ATR: variants seen among roughly 807,000 people sequenced by gnomAD.
The protein encoded by ATR is ATR checkpoint kinase.
A neutral mutation model predicts 305.3 loss-of-function variants in ATR; 142 were observed. The observed-to-expected ratio is 0.47, with a 90% CI of 0.41 to 0.53. The LOEUF is 0.53. Ranked by LOEUF, ATR falls within the 20% of genes least tolerant of loss-of-function variation. ATR has a pLI of 0.00. For synonymous variants in ATR, 1,050 were observed against 1,068.1 expected, an observed-to-expected ratio of 0.98 and a Z score of 0.33; for missense variants, 2,135 against 3,133.1, an observed-to-expected ratio of 0.68 and a Z score of 7.60.
At chr3:142,508,165 GTCAA>G in intron 27 of ATR, 56 bp from the exon 28 acceptor site, 1 of 1,413,302 alleles carries the variant, frequency 7.1e-7, no homozygotes, top group South Asian at 1.3e-5. Context: ...ATTTAAAAGT[GTCAA>G]TTTAAGTATT....
At chr3:142,513,275 A>G (rs1004277455) in intron 26 of ATR, among the ~76,000 whole-genome samples, 1 of 152,222 alleles carries the variant, frequency 6.6e-6, no homozygotes, top group African/African-American at 2.4e-5. Context: ...CTAAGTTGGA[A>G]TAATTTTTGA....
intron 8 of ATR, among the ~76,000 whole-genome samples, chr3:142,558,007 C>A (rs1338788131): frequency 1.3e-5 from 2 of 151,976 alleles, no homozygotes; most frequent in African/African-American, 4.8e-5. Flanking sequence ...TAAAATATTT[C>A]TCAAATACTT....
At chr3:142,528,447 C>T (rs377526186) in intron 21 of ATR, among the ~76,000 whole-genome samples, 71 of 152,062 alleles carry the variant, frequency 4.7e-4, no homozygotes, top group African/African-American at 1.5e-3. Context: ...TAAAAAGTAT[C>T]CATTTTGGTC....
chr3:142,487,484 T>C (rs1213834684), intron 35 of ATR, among the ~76,000 whole-genome samples: 1 of 152,210 alleles, frequency 6.6e-6, no homozygotes, highest in Non-Finnish European at 1.5e-5. Flanking sequence ...CAACATTACA[T>C]TTGTGATATC....
chr3:142,573,594 G>A (rs143453327), intron 1 of ATR, among the ~76,000 whole-genome samples: 9 of 150,252 alleles, frequency 6.0e-5, no homozygotes, highest in African/African-American at 9.8e-5. Flanking sequence ...TTAAATCAGC[G>A]CTGGCCAATA....
chr3:142,568,729 C>T (rs1229208636), intron 1 of ATR, among the ~76,000 whole-genome samples: 1 of 152,210 alleles, frequency 6.6e-6, no homozygotes, highest in East Asian at 1.9e-4. Flanking sequence ...TGCCTGCTCC[C>T]GCTGCCTGGC....
chr3:142,560,583 C>CA, intron 5 of ATR, 129 bp from the exon 6 acceptor site: 2 of 714,958 alleles, frequency 2.8e-6, no homozygotes, highest in South Asian at 1.9e-5. Flanking sequence ...TTTTGTGAGA[C>CA]AGAGTCTCAC....
intron 3 of ATR, among the ~76,000 whole-genome samples, chr3:142,563,517 AC>A (rs2034959388): frequency 6.6e-6 from 1 of 152,182 alleles, no homozygotes; most frequent in South Asian, 2.1e-4. Context: ...GTCATGAACC[AC>A]ACCGATATAA....
chr3:142,485,338 G>A, intron 35 of ATR, 56 bp from the exon 36 acceptor site: 1 of 1,586,416 alleles, frequency 6.3e-7, no homozygotes, highest in Non-Finnish European at 8.6e-7. Context: ...ATGCTGGGAA[G>A]TAAAATATGA....
intron 10 of ATR, among the ~76,000 whole-genome samples, chr3:142,555,647 G>A (rs2034641834): frequency 6.6e-6 from 1 of 152,080 alleles, no homozygotes; most frequent in South Asian, 2.1e-4. Context: ...CCCCATTTAG[G>A]CTGTCAAATC....
intron 1 of ATR, among the ~76,000 whole-genome samples, chr3:142,570,715 A>G (rs1251010397): frequency 2.0e-5 from 3 of 152,168 alleles, no homozygotes; most frequent in South Asian, 4.1e-4. Flanking sequence ...TAAGAGTTTC[A>G]TAGTTTTAGT....
At chr3:142,508,792 C>CG (rs1311373423) in intron 27 of ATR, among the ~76,000 whole-genome samples, 3 of 151,894 alleles carry the variant, frequency 2.0e-5, no homozygotes, top group Non-Finnish European at 2.9e-5. Flanking sequence ...GGCGTGGTGA[C>CG]GGGTGCCTTT....
In ATR at chr3:142,497,207, A is replaced by G; in HGVS notation, c.5559-15T>C. On this transcript the variant is annotated splice_polypyrimidine_tract_variant and intron_variant, in intron 32 of 46. Coordinates refer to ENST00000350721, the MANE Select transcript of ATR (RefSeq NM_001184.4). ...ACATGTGCAATCTGAAGATAGATAG[A>G]GCCTATGTTAAAATGTTATCATATT... 1 of 1,612,666 alleles carries G rather than the reference A, an allele frequency of 6.2e-7. No individual in the cohort carries two copies. The highest frequency in any genetic ancestry group is 8.5e-7 in the Non-Finnish European group (1 of 1,178,926).
At chr3:142,498,810 T>G in intron 31 of ATR, 36 bp from the exon 32 acceptor site, 1 of 1,602,482 alleles carries the variant, frequency 6.2e-7, no homozygotes, top group Non-Finnish European at 8.5e-7. Context: ...AATGTCACGG[T>G]AGCTGGGTCC....
rs546997246 is a variant in ATR at position 142,506,476 on chromosome 3, T to C, written c.5032-1173A>G. On this transcript the variant is annotated intron_variant, in intron 28 of 46. Transcript: ENST00000350721. ...TGAGAGGCCAAGGCAGGCAGATCAC[T>C]TGAGGTCAGGAGGCCAGCCCAGGCA... Among the ~76,000 whole-genome samples, 4 of 152,136 alleles carry C rather than the reference T, an allele frequency of 2.6e-5. No individual in the cohort carries two copies. The South Asian group carries it at 8.3e-4, about 32-fold the overall frequency.
intron 46 of ATR, 108 bp from the exon 47 acceptor site, chr3:142,449,710 T>A: frequency 1.7e-6 from 2 of 1,184,110 alleles, no homozygotes; most frequent in Non-Finnish European, 2.4e-6. Flanking sequence ...TACTGACCAA[T>A]ACCCCTTTTG....
Position 142,457,587 on chromosome 3 carries a change from A to G in ATR, c.7655+17T>C, listed in dbSNP as rs746979167. On this transcript the variant is annotated intron_variant, in intron 45 of 46. Coordinates refer to ENST00000350721, the MANE Select transcript of ATR (RefSeq NM_001184.4). ...TCGAGGTTACTGTTAAATTATTTACAAAGTATAGGTGATTACCTCATTAAA... is the reference window on the plus strand; with the variant it reads ...TCGAGGTTACTGTTAAATTATTTACGAAGTATAGGTGATTACCTCATTAAA... 3.1e-6 allele frequency: 5 copies of G among 1,613,232 alleles called. No individual in the cohort carries two copies. The South Asian group carries it at 4.4e-5, about 14-fold the overall frequency.
intron 39 of ATR, 61 bp from the exon 40 acceptor site, chr3:142,466,594 T>A (rs2071137173): frequency 1.5e-5 from 22 of 1,469,158 alleles, no homozygotes; most frequent in Middle Eastern, 1.9e-4. Context: ...ATAACAAAAA[T>A]TTCACTTTTA....
chr3:142,559,928 C>T (rs2034816190), intron 6 of ATR, among the ~76,000 whole-genome samples: 2 of 152,138 alleles, frequency 1.3e-5, no homozygotes, highest in Non-Finnish European at 2.9e-5. Context: ...GAGTTGTACA[C>T]AAATGTGTTC....
Sources: allele counts gnomAD v4.1 joint callset (sites outside exome capture counted in the v4.1 genomes callset), GRCh38; gene constraint gnomAD v4.1.1; transcripts MANE v1.5; gene names NCBI Gene and HGNC (gene_info 2026-07-23, HGNC 2026-07-21).